Variants in MORC3 observed in about 807,000 individuals in gnomAD.
The protein encoded by MORC3 is MORC family CW-type zinc finger 3.
MORC3 carries 31 observed loss-of-function variants against 109.1 expected under a neutral mutation model. The observed-to-expected ratio is 0.28, with a 90% CI of 0.21 to 0.38. The LOEUF is 0.38. Among genes scored for constraint, MORC3 ranks in the 10% least tolerant of loss-of-function variants. The pLI, the probability that MORC3 is intolerant of heterozygous loss-of-function variation, is 1.00. For synonymous variants in MORC3, 395 were observed against 380.7 expected (o/e 1.04, Z -0.44); for missense variants, 867 against 1,135.8 (o/e 0.76, Z 3.40).
chr21:36,329,508 A>G (rs754924151), intron 1 of MORC3, among the ~76,000 whole-genome samples: 3 of 152,160 alleles, frequency 2.0e-5, no homozygotes, highest in Non-Finnish European at 4.4e-5. Context: ...TGTCAGAAGT[A>G]CAGGAGACTA....
chr21:36,354,319 C>CT (rs2085617147), intron 9 of MORC3, among the ~76,000 whole-genome samples: 3 of 97,074 alleles, frequency 3.1e-5, no homozygotes, highest in South Asian at 6.0e-4. Flanking sequence ...TTCTTTCTTT[C>CT]TTTCTTTTTT....
intron 4 of MORC3, among the ~76,000 whole-genome samples, chr21:36,338,563 G>T (rs1281360770): frequency 2.6e-5 from 4 of 151,752 alleles, no homozygotes; most frequent in African/African-American, 9.7e-5. Context: ...GGTGGTGGGT[G>T]CCTGTGGTCG....
intron 15 of MORC3, 78 bp from the exon 16 acceptor site, chr21:36,372,296 T>C (rs1401077267): frequency 7.7e-7 from 1 of 1,296,490 alleles, no homozygotes; most frequent in Non-Finnish European, 1.0e-6. Flanking sequence ...GCAGGTTCTC[T>C]ATATTAGCTT....
chr21:36,332,384 C>G (rs572383951), intron 1 of MORC3, among the ~76,000 whole-genome samples: 11 of 152,024 alleles, frequency 7.2e-5, no homozygotes, highest in Admixed American at 6.6e-4. Context: ...TGCAGTCAGC[C>G]GAAATTGTGC....
chr21:36,350,007 A>C (rs2065301), intron 9 of MORC3, among the ~76,000 whole-genome samples: 97,202 of 152,036 alleles, frequency 0.64, 31,873 homozygotes, highest in East Asian at 1. Flanking sequence ...TGGTAACTGA[A>C]TGAATCAAAA....
chr21:36,369,360 T>C lies in MORC3; in HGVS notation c.1992T>C (p.Asp664=), dbSNP rs757455936. Residue 664 remains aspartate, a synonymous_variant, in exon 15 of 17, where the codon GAT becomes GAC. Coordinates refer to ENST00000400485, the MANE Select transcript of MORC3 (RefSeq NM_015358.3). ...AAGACGAGATAGACGTAAGAAATGA[T>C]GCAGTGATTCTGCCCTCCTGTGTAG... is the stretch of plus-strand genomic sequence containing the variant. ...TVEDEIDVRN[D]AVILPSCVEA... The C allele has an allele frequency of 6.2e-7, 1 of 1,614,206 alleles. No homozygotes were observed. The highest frequency in any genetic ancestry group is 8.5e-7 in the Non-Finnish European group (1 of 1,180,034).
intron 9 of MORC3, among the ~76,000 whole-genome samples, chr21:36,355,736 C>T (rs949874848): frequency 1.3e-5 from 2 of 151,542 alleles, no homozygotes; most frequent in Non-Finnish European, 2.9e-5. Flanking sequence ...TAGCTTGAGG[C>T]CAGGAGTTCG....
chr21:36,345,178 G>T, intron 8 of MORC3, 147 bp downstream of exon 8: 2 of 850,982 alleles, frequency 2.4e-6, no homozygotes, highest in Non-Finnish European at 1.7e-6. Context: ...TAACACTGTG[G>T]TATTTGAACT....
In MORC3 at chr21:36,362,298, T is replaced by C. The variant is rs2085727688; in HGVS notation, c.1452+70T>C. The C allele has an allele frequency of 2.0e-6, 3 of 1,512,196 alleles. No individual in the cohort carries two copies. The East Asian group carries it at 7.3e-5, about 37-fold the overall frequency. 93.7% of individuals were successfully genotyped at this position (1,512,196 alleles called of 1,614,324 possible). A position where few individuals can be genotyped will look rare whatever the true frequency, so the allele number is the denominator to read the frequency against. On this transcript the variant is annotated intron_variant, in intron 13 of 16. Transcript: ENST00000400485. ...GGGCTGACACCCGTAATCCCAGCAT[T>C]TTGGGAGGCCGAGGCAGGTGGATCA...
chr21:36,320,202 C>G lies in MORC3; in HGVS notation c.-63C>G, dbSNP rs995007801. On this transcript the variant is annotated 5_prime_UTR_variant, in exon 1 of 17. Transcript: ENST00000400485. The stretch of plus-strand genomic sequence containing the variant: ...GGCGGTACCCATAGGGCTCCACAGT[C>G]GTTCCGCCACCTCCCAGTCGGGTTG... The G allele has an allele frequency of 1.3e-6, 2 of 1,549,580 alleles. No homozygotes were observed. The highest frequency in any genetic ancestry group is 1.7e-6 in the Non-Finnish European group (2 of 1,144,878).
At chr21:36,366,694 A>G (rs139384894) in intron 14 of MORC3, among the ~76,000 whole-genome samples, 3,641 of 152,238 alleles carry the variant, frequency 0.024, 88 homozygotes, top group Non-Finnish European at 0.034. Context: ...AGCTCAGGCA[A>G]TCTGCCTGCC....
intron 1 of MORC3, among the ~76,000 whole-genome samples, chr21:36,327,358 A>G (rs1280090807): frequency 6.9e-6 from 1 of 144,722 alleles, no homozygotes; most frequent in South Asian, 2.1e-4. Flanking sequence ...GGGTTTTGCC[A>G]TGTTGGCCAG....
At chr21:36,368,900 T>TA in intron 14 of MORC3, 88 bp from the exon 15 acceptor site, 1 of 1,255,252 alleles carries the variant, frequency 8.0e-7, no homozygotes, top group Non-Finnish European at 1.1e-6. Context: ...ACTGTTACAA[T>TA]ACTGCATTTG....
chr21:36,370,612 C>T (rs1173618388), intron 15 of MORC3, among the ~76,000 whole-genome samples: 3 of 46,168 alleles, frequency 6.5e-5, no homozygotes, highest in African/African-American at 1.1e-4. Context: ...TACATACATA[C>T]ATATATATAT....
At chr21:36,335,441 G>A (rs2085365572) in intron 2 of MORC3, among the ~76,000 whole-genome samples, 2 of 150,678 alleles carry the variant, frequency 1.3e-5, no homozygotes, top group African/African-American at 2.4e-5. Context: ...TCAGCCTCCC[G>A]AGTAGCTGGG....
rs762298264 is a variant in MORC3, at chr21:36,338,928, GTGGACATAGA to G, written c.608+10_608+19del. 6.2e-7 allele frequency: 1 copy of G among 1,604,546 alleles called. No homozygotes were observed. Among genetic ancestry groups the G allele is most frequent in the African/African-American group, 1.4e-5 (1 of 73,072 alleles). On this transcript the variant is annotated splice_region_variant and intron_variant, in intron 5 of 16. Coordinates refer to ENST00000400485, the MANE Select transcript of MORC3 (RefSeq NM_015358.3). ...TCATTTGGAATCTTAGAAGGTAAAC[GTGGACATAGA>G]TGTTGACCGTTTGGGAAGTAAAGTG... is the stretch of plus-strand genomic sequence containing the variant.
chr21:36,320,953 G>A (rs1357844940), intron 1 of MORC3, among the ~76,000 whole-genome samples: 3 of 152,130 alleles, frequency 2.0e-5, no homozygotes, highest in Admixed American at 2.0e-4. Flanking sequence ...CGTAGGGAGC[G>A]GTCACACAAG....
chr21:36,331,310 TG>T (rs760426876), intron 1 of MORC3, among the ~76,000 whole-genome samples: 10 of 152,026 alleles, frequency 6.6e-5, no homozygotes, highest in African/African-American at 2.2e-4. Context: ...ACTACTTGTG[TG>T]TTTTTGGCCA....
At chr21:36,360,495 G>T in intron 12 of MORC3, 1 of 551,772 alleles carries the variant, frequency 1.8e-6, no homozygotes, top group Non-Finnish European at 3.2e-6. Context: ...GCAGTCTGCT[G>T]TTGTGAGCTG....
Sources: allele counts gnomAD v4.1 joint callset (sites outside exome capture counted in the v4.1 genomes callset), GRCh38; gene constraint gnomAD v4.1.1; transcripts MANE v1.5; gene names NCBI Gene and HGNC (gene_info 2026-07-23, HGNC 2026-07-21).